The following TRHDE variants were observed in gnomAD, a reference collection of about 807,000 sequenced individuals.
TRHDE encodes thyrotropin releasing hormone degrading enzyme.
A neutral mutation model predicts 125.7 loss-of-function variants in TRHDE; 72 were observed. The ratio of observed to expected loss-of-function variants is 0.57; its 90% confidence interval spans 0.47 to 0.70. The LOEUF (loss-of-function observed/expected upper bound fraction) is 0.70. Ranked by LOEUF, TRHDE falls within the 30% of genes least tolerant of loss-of-function variation. TRHDE has a pLI of 0.00. For synonymous variants in TRHDE, 509 were observed against 509.1 expected (o/e 1.00, Z 0.00); for missense variants, 1,110 against 1,327.1 (o/e 0.84, Z 2.54).
intron 6 of TRHDE, among the ~76,000 whole-genome samples, chr12:72,531,139 A>C (rs2135974769): frequency 6.6e-6 from 1 of 152,206 alleles, no homozygotes; most frequent in South Asian, 2.1e-4. Flanking sequence ...ATTATTGCTA[A>C]ATTCTCAAAA....
chr12:72,448,712 A>C (rs1196295066), intron 3 of TRHDE, among the ~76,000 whole-genome samples: 1 of 151,920 alleles, frequency 6.6e-6, no homozygotes, highest in Non-Finnish European at 1.5e-5. Context: ...GGTTAGCCCA[A>C]TGATTTGAAC....
At chr12:72,295,668 A>T (rs1284021025) in intron 2 of TRHDE, among the ~76,000 whole-genome samples, 1 of 152,176 alleles carries the variant, frequency 6.6e-6, no homozygotes, top group Non-Finnish European at 1.5e-5. Context: ...TAGATGTGAT[A>T]TTCTGTATAT....
chr12:72,342,536 G>T (rs1870129641), intron 2 of TRHDE, among the ~76,000 whole-genome samples: 2 of 152,152 alleles, frequency 1.3e-5, no homozygotes, highest in Non-Finnish European at 2.9e-5. Flanking sequence ...AGGCGATTGA[G>T]ATGTGGAATT....
intron 7 of TRHDE, among the ~76,000 whole-genome samples, chr12:72,551,022 T>C (rs1435701743): frequency 1.3e-5 from 2 of 152,042 alleles, no homozygotes; most frequent in Non-Finnish European, 2.9e-5. Flanking sequence ...TATCCATGTG[T>C]CTTATGCATT....
At chr12:72,209,815 C>T (rs1877738420) in intron 2 of TRHDE, among the ~76,000 whole-genome samples, 1 of 152,130 alleles carries the variant, frequency 6.6e-6, no homozygotes, top group East Asian at 1.9e-4. Context: ...AAGAACAGTA[C>T]ATATTTGCTT....
At position 72,577,567 on chromosome 12, in the gene TRHDE, G is replaced by A. The variant is rs145641119; in HGVS notation, c.2321+2025G>A. Among the ~76,000 whole-genome samples, 37 of 152,264 alleles carry A rather than the reference G, an allele frequency of 2.4e-4. 1 individual carries two copies. The South Asian group carries it at 3.5e-3, about 14-fold the overall frequency. On this transcript the variant is annotated intron_variant, in intron 12 of 18. Transcript: ENST00000261180. The stretch of plus-strand genomic sequence containing the variant: ...TTCGAGGCAGTCGTTCATGTGAATC[G>A]TTACGGGTTTGAAATGATGGTGAGA...
At chr12:72,599,567 T>G (rs1198181708) in intron 12 of TRHDE, among the ~76,000 whole-genome samples, 2 of 152,098 alleles carry the variant, frequency 1.3e-5, no homozygotes, top group Non-Finnish European at 2.9e-5. Flanking sequence ...AATGAGGTTA[T>G]TTGGTTTTTG....
At position 72,665,448 on chromosome 12, in the gene TRHDE, A is replaced by C. The variant is rs1875079750; in HGVS notation, c.*2253A>C. 1 of 152,494 alleles carries C rather than the reference A, an allele frequency of 6.6e-6. No homozygotes were observed. The allele number at this position is 152,494 out of a possible 1,614,324, so 9.4% of individuals were successfully genotyped here. On this transcript the variant is annotated 3_prime_UTR_variant, in exon 19 of 19. Transcript: ENST00000261180. Reference sequence around the variant, plus strand: ...AATACTTGCTCAACAGTATAGTGGTACCAATGGCATTAAGATGGTGTTTTT... The same window carrying C: ...AATACTTGCTCAACAGTATAGTGGTCCCAATGGCATTAAGATGGTGTTTTT...
At chr12:72,286,643 C>T (rs1879899730) in intron 1 of TRHDE, 38 bp from the exon 2 acceptor site, 3 of 1,587,274 alleles carry the variant, frequency 1.9e-6, no homozygotes, top group Middle Eastern at 1.7e-4. Context: ...TAACTCACAA[C>T]ATAAATGTAA....
At chr12:72,627,179 A>G (rs1873294454) in intron 15 of TRHDE, among the ~76,000 whole-genome samples, 1 of 151,908 alleles carries the variant, frequency 6.6e-6, no homozygotes, top group African/African-American at 2.4e-5. Context: ...TTAACTTCTC[A>G]AAATCTCAAC....
chr12:72,141,090 A>T (rs1189160889), intron 2 of TRHDE, among the ~76,000 whole-genome samples: 4 of 152,120 alleles, frequency 2.6e-5, no homozygotes, highest in African/African-American at 9.7e-5. Flanking sequence ...CCCATTTAAT[A>T]TTTGGGGCCT....
At chr12:72,312,744 T>A (rs1451639714) in intron 2 of TRHDE, among the ~76,000 whole-genome samples, 1 of 152,116 alleles carries the variant, frequency 6.6e-6, no homozygotes, top group Non-Finnish European at 1.5e-5. Flanking sequence ...GTTATGCCAC[T>A]TAAAAAAATG....
rs1041195126 is a variant in TRHDE at position 72,433,497 on chromosome 12, C to G, written c.1316-36261C>G. ...CCTTTAGTCTCCTTGGCTTGCCTCC[C>G]CGAGCATGGAGCCTTTGCCCTATGA... On this transcript the variant is annotated intron_variant, in intron 3 of 18. Transcript: ENST00000261180. Among the ~76,000 whole-genome samples, 12 of 151,978 alleles carry G rather than the reference C, an allele frequency of 7.9e-5. No individual in the cohort carries two copies. In the South Asian group the frequency reaches 2.5e-3, roughly 32 times the overall value.
At chr12:72,290,789 G>A (rs10748193) in intron 2 of TRHDE, among the ~76,000 whole-genome samples, 152,282 of 152,344 alleles carry the variant, frequency 1, 76,110 homozygotes, top group Middle Eastern at 1. Flanking sequence ...GCCTTCTTAC[G>A]TGGTAGTTCA....
intron 1 of TRHDE, among the ~76,000 whole-genome samples, chr12:72,103,901 G>T (rs761546710): frequency 6.6e-6 from 1 of 152,100 alleles, no homozygotes; most frequent in Non-Finnish European, 1.5e-5. Flanking sequence ...CAGTGTCAAA[G>T]AAATTAGAGT....
chr12:72,407,545 G>A (rs944884780), intron 3 of TRHDE, among the ~76,000 whole-genome samples: 1 of 152,080 alleles, frequency 6.6e-6, no homozygotes, highest in Non-Finnish European at 1.5e-5. Context: ...ATTTGCACTG[G>A]AATAAAACAA....
intron 3 of TRHDE, among the ~76,000 whole-genome samples, chr12:72,384,357 A>G (rs1280739277): frequency 1.3e-5 from 2 of 152,178 alleles, no homozygotes; most frequent in African/African-American, 2.4e-5. Context: ...TCTGCCCTCA[A>G]GGAGATTGTG....
intron 2 of TRHDE, among the ~76,000 whole-genome samples, chr12:72,309,941 T>C (rs944091194): frequency 6.6e-6 from 1 of 152,192 alleles, no homozygotes; most frequent in Non-Finnish European, 1.5e-5. Flanking sequence ...TCTGAAGCCC[T>C]ATTTAAAACA....
At chr12:72,472,422 G>T (rs1036956846) in intron 4 of TRHDE, among the ~76,000 whole-genome samples, 4 of 152,088 alleles carry the variant, frequency 2.6e-5, no homozygotes, top group Non-Finnish European at 5.9e-5. Context: ...TTTCATGAAG[G>T]CATCTTAGAG....
Sources: gnomAD v4.1 joint callset for allele counts (sites outside exome capture counted in the v4.1 genomes callset) on GRCh38, gnomAD v4.1.1 for gene constraint, MANE v1.5 for transcripts, NCBI Gene and HGNC (gene_info 2026-07-23, HGNC 2026-07-21) for gene names.